Variants in MEGF11 observed in about 807,000 individuals in gnomAD.
MEGF11 encodes the protein multiple epidermal growth factor-like domains protein 11.
In MEGF11, 126 loss-of-function variants were observed where a neutral mutation model predicts 146.6. That is an observed-to-expected ratio of 0.86 (90% confidence interval 0.74 to 1.00). The LOEUF is 1.00. MEGF11 is among the 50% of genes least tolerant of loss of function. The probability of loss-of-function intolerance (pLI) is 0.00; values close to 1 mark genes in which losing one functional copy is unlikely to be tolerated. For synonymous variants in MEGF11, 532 were observed against 583.4 expected, an observed-to-expected ratio of 0.91 and a Z score of 1.27; for missense variants, 1,509 against 1,521.2, an observed-to-expected ratio of 0.99 and a Z score of 0.13.
At chr15:65,930,574 G>A (rs564849645) in intron 11 of MEGF11, among the ~76,000 whole-genome samples, 3 of 152,308 alleles carry the variant, frequency 2.0e-5, no homozygotes, top group South Asian at 2.1e-4. Flanking sequence ...AACGTGTCTC[G>A]GTTGCACACT....
intron 1 of MEGF11, among the ~76,000 whole-genome samples, chr15:66,128,859 C>G (rs1222429827): frequency 6.6e-6 from 1 of 152,116 alleles, no homozygotes; most frequent in Non-Finnish European, 1.5e-5. Flanking sequence ...TCCCTCCTGC[C>G]AAGGAGAAAG....
intron 1 of MEGF11, among the ~76,000 whole-genome samples, chr15:66,212,297 G>A (rs1055767551): frequency 1.1e-4 from 17 of 152,122 alleles, no homozygotes; most frequent in Non-Finnish European, 2.4e-4. Flanking sequence ...CACCACGGCC[G>A]AACCCCAGGC....
chr15:66,200,417 A>G (rs2091124855), intron 1 of MEGF11, among the ~76,000 whole-genome samples: 1 of 152,228 alleles, frequency 6.6e-6, no homozygotes, highest in African/African-American at 2.4e-5. Context: ...CTGCTTGCTT[A>G]CATTTTTTCA....
At chr15:66,222,375 C>G (rs547489886) in intron 1 of MEGF11, among the ~76,000 whole-genome samples, 3 of 152,136 alleles carry the variant, frequency 2.0e-5, no homozygotes, top group Admixed American at 6.5e-5. Context: ...TTCCTCAAAC[C>G]TACTCTCCCC....
intron 10 of MEGF11, among the ~76,000 whole-genome samples, chr15:65,950,928 T>C (rs1474197339): frequency 6.6e-6 from 1 of 152,248 alleles, no homozygotes; most frequent in Admixed American, 6.5e-5. Flanking sequence ...GGAAATGCCA[T>C]GAATGTCCTT....
intron 1 of MEGF11, among the ~76,000 whole-genome samples, chr15:66,242,965 A>T (rs2092240125): frequency 2.6e-5 from 4 of 152,176 alleles, no homozygotes; most frequent in Non-Finnish European, 5.9e-5. Context: ...GTCTCTGGGT[A>T]AATGATCATA....
At chr15:66,195,111 C>T (rs1422955006) in intron 1 of MEGF11, among the ~76,000 whole-genome samples, 1 of 152,100 alleles carries the variant, frequency 6.6e-6, no homozygotes, top group African/African-American at 2.4e-5. Flanking sequence ...CATTCTGAGG[C>T]CTCTCTCCTT....
chr15:66,023,152 A>AAAAAAAAC (rs1471300258), intron 5 of MEGF11, among the ~76,000 whole-genome samples: 1 of 143,048 alleles, frequency 7.0e-6, no homozygotes, highest in African/African-American at 2.6e-5. Flanking sequence ...AAAAAAAAAA[A>AAAAAAAAC]AAACAAACTT....
chr15:66,159,651 G>A (rs535884102), intron 1 of MEGF11, among the ~76,000 whole-genome samples: 33 of 152,290 alleles, frequency 2.2e-4, no homozygotes, highest in African/African-American at 7.9e-4. Context: ...TGGTGCTAGA[G>A]GGGCCACGAT....
Position 65,949,610 on chromosome 15 carries a change from C to T in MEGF11, c.1287+7937G>A, listed in dbSNP as rs564046571. Among the ~76,000 whole-genome samples, 437 of 152,370 alleles carry T rather than the reference C, an allele frequency of 2.9e-3. 5 individuals are homozygous for T. The highest frequency in any genetic ancestry group is 6.8e-3 in the Middle Eastern group (2 of 294). On this transcript the variant is annotated intron_variant, in intron 10 of 25. Coordinates refer to ENST00000395614, the MANE Select transcript of MEGF11 (RefSeq NM_001385028.1). ...CCCTCTCCTCTGCTTCCCGCATTCC[C>T]GTCTCCATCACAGTGGAGCTGAAAG...
chr15:66,010,388 T>G (rs2082675130), intron 5 of MEGF11, among the ~76,000 whole-genome samples: 1 of 152,072 alleles, frequency 6.6e-6, no homozygotes, highest in Non-Finnish European at 1.5e-5. Context: ...AGATGGGGTT[T>G]CACCATGTTG....
intron 1 of MEGF11, among the ~76,000 whole-genome samples, chr15:66,140,132 A>G (rs548132302): frequency 3.4e-4 from 52 of 152,294 alleles, no homozygotes; most frequent in Admixed American, 7.8e-4. Flanking sequence ...TATTCAGCTT[A>G]ATTTCCCTCC....
At chr15:65,942,968 A>C (rs2080055254) in intron 10 of MEGF11, among the ~76,000 whole-genome samples, 2 of 135,650 alleles carry the variant, frequency 1.5e-5, no homozygotes, top group African/African-American at 2.7e-5. Flanking sequence ...CAAAAAAACA[A>C]CTTGGCTTTT....
chr15:66,064,512 AG>A (rs1191003041), intron 5 of MEGF11, among the ~76,000 whole-genome samples: 1 of 151,934 alleles, frequency 6.6e-6, no homozygotes, highest in Non-Finnish European at 1.5e-5. Flanking sequence ...GGGGTTTGTG[AG>A]ATGATTTTTT....
chr15:66,020,388 C>T (rs915427928), intron 5 of MEGF11, among the ~76,000 whole-genome samples: 11 of 152,194 alleles, frequency 7.2e-5, no homozygotes, highest in Non-Finnish European at 1.5e-4. Flanking sequence ...AGGCAAGGTG[C>T]AGACAGATTG....
At chr15:66,239,491 T>C (rs1463489867) in intron 1 of MEGF11, among the ~76,000 whole-genome samples, 3 of 152,204 alleles carry the variant, frequency 2.0e-5, no homozygotes, top group Non-Finnish European at 4.4e-5. Context: ...TGATTAATGA[T>C]GGCTGAATCA....
chr15:65,998,356 C>T (rs1306411370), intron 5 of MEGF11, among the ~76,000 whole-genome samples: 1 of 152,166 alleles, frequency 6.6e-6, no homozygotes, highest in Non-Finnish European at 1.5e-5. Flanking sequence ...GAGATGCACT[C>T]CCCTGCCAGG....
intron 1 of MEGF11, among the ~76,000 whole-genome samples, chr15:66,218,533 A>G (rs1489155068): frequency 6.6e-6 from 1 of 152,190 alleles, no homozygotes; most frequent in Non-Finnish European, 1.5e-5. Context: ...CCCTGCTCCA[A>G]GGAGTTTCAT....
intron 1 of MEGF11, among the ~76,000 whole-genome samples, chr15:66,211,246 G>A (rs113182412): frequency 0.12 from 18,969 of 152,230 alleles, 1,533 homozygotes; most frequent in Admixed American, 0.21. Flanking sequence ...TCATCCAGCC[G>A]GGCTTGGTGG....
Sources: allele counts gnomAD v4.1 joint callset (sites outside exome capture counted in the v4.1 genomes callset), GRCh38; gene constraint gnomAD v4.1.1; transcripts MANE v1.5; gene names NCBI Gene and HGNC (gene_info 2026-07-23, HGNC 2026-07-21).